NDUFS4: variants seen among roughly 807,000 people sequenced by gnomAD.
The protein encoded by NDUFS4 is NADH dehydrogenase [ubiquinone] iron-sulfur protein 4, mitochondrial.
In NDUFS4, 28 loss-of-function variants were observed where a neutral mutation model predicts 24.3. The observed-to-expected ratio is 1.15, with a 90% CI of 0.85 to 1.58. NDUFS4 has a LOEUF of 1.58. Among genes scored for constraint, NDUFS4 ranks in the 40% most tolerant of loss-of-function variants. The probability of loss-of-function intolerance (pLI) is 0.00; values close to 1 mark genes in which losing one functional copy is unlikely to be tolerated. For synonymous variants in NDUFS4, 93 were observed against 69.7 expected (o/e 1.34, Z -1.67); for missense variants, 223 against 207.9 (o/e 1.07, Z -0.45).
chr5:53,658,692 A>G, intron 4 of NDUFS4, 68 bp downstream of exon 4: 2 of 1,353,528 alleles, frequency 1.5e-6, no homozygotes, highest in Non-Finnish European at 2.1e-6. Flanking sequence ...ATTAAAACCA[A>G]TTAAGTATAC....
intron 1 of NDUFS4, among the ~76,000 whole-genome samples, chr5:53,570,041 G>A (rs1749159425): frequency 6.6e-6 from 1 of 152,094 alleles, no homozygotes; most frequent in Admixed American, 6.5e-5. Flanking sequence ...ACTTCTTAGA[G>A]TTTTAACACA....
rs189949427 is a variant in NDUFS4, at chr5:53,662,175, A to G, written c.424+3551A>G. 2.8e-3 allele frequency among the ~76,000 whole-genome samples: 432 copies of G among 152,328 alleles called. 4 individuals carry two copies. The highest frequency in any genetic ancestry group is 9.8e-3 in the African/African-American group (408 of 41,572). ...TATTATTTTGAGATAAGTCACATCAATACCTAATTTATTGAGAGTTTTTAG... is the reference window on the plus strand; with the variant it reads ...TATTATTTTGAGATAAGTCACATCAGTACCTAATTTATTGAGAGTTTTTAG... On this transcript the variant is annotated intron_variant, in intron 4 of 4. Coordinates refer to ENST00000296684, the MANE Select transcript of NDUFS4 (RefSeq NM_002495.4).
intron 1 of NDUFS4, among the ~76,000 whole-genome samples, chr5:53,587,646 G>A (rs1013018397): frequency 2.6e-5 from 4 of 151,272 alleles, no homozygotes; most frequent in Admixed American, 6.6e-5. Flanking sequence ...GTGCTATCAT[G>A]GCTCACTGCA....
At chr5:53,568,835 C>G (rs1212321713) in intron 1 of NDUFS4, among the ~76,000 whole-genome samples, 2 of 152,192 alleles carry the variant, frequency 1.3e-5, no homozygotes, top group Non-Finnish European at 1.5e-5. Context: ...GTTGAGAGAA[C>G]TGTCTCTGGG....
intron 4 of NDUFS4, among the ~76,000 whole-genome samples, chr5:53,682,470 T>TAACA (rs1432977846): frequency 3.3e-5 from 5 of 151,986 alleles, no homozygotes; most frequent in South Asian, 2.1e-4. Flanking sequence ...TGGTCAGGCC[T>TAACA]AACAATTTGC....
At position 53,679,522 on chromosome 5, in the gene NDUFS4, A is replaced by G. The variant is rs549662109; in HGVS notation, c.425-3596A>G. 2.6e-5 allele frequency among the ~76,000 whole-genome samples: 4 copies of G among 152,210 alleles called. No individual in the cohort carries two copies. The East Asian group carries it at 7.7e-4, about 29-fold the overall frequency. On this transcript the variant is annotated intron_variant, in intron 4 of 4. Coordinates refer to ENST00000296684, the MANE Select transcript of NDUFS4 (RefSeq NM_002495.4). ...CAAACCAGTTGTTCTTTTCTTTTAT[A>G]TGTATAAAACTTCATTCTTCTCACA... is the stretch of plus-strand genomic sequence containing the variant.
At chr5:53,674,754 G>C (rs1415760973) in intron 4 of NDUFS4, among the ~76,000 whole-genome samples, 1 of 151,904 alleles carries the variant, frequency 6.6e-6, no homozygotes. Flanking sequence ...GAATCAATTT[G>C]GTTAATTGTA....
intron 1 of NDUFS4, among the ~76,000 whole-genome samples, chr5:53,578,400 T>C (rs1749453805): frequency 6.6e-6 from 1 of 152,202 alleles, no homozygotes; most frequent in South Asian, 2.1e-4. Context: ...AAGACTACTT[T>C]CTAGAAATTT....
At chr5:53,584,500 C>T (rs1237925102) in intron 1 of NDUFS4, among the ~76,000 whole-genome samples, 2 of 150,856 alleles carry the variant, frequency 1.3e-5, no homozygotes, top group Non-Finnish European at 3.0e-5. Context: ...CCACCATGCC[C>T]GGCTAATTTT....
chr5:53,610,058 A>C (rs1260234217), intron 2 of NDUFS4, among the ~76,000 whole-genome samples: 3 of 152,188 alleles, frequency 2.0e-5, no homozygotes, highest in Non-Finnish European at 4.4e-5. Flanking sequence ...CTTTGCATTC[A>C]CAACTTGGCT....
chr5:53,611,254 A>G (rs1254201428), intron 2 of NDUFS4, among the ~76,000 whole-genome samples: 1 of 149,408 alleles, frequency 6.7e-6, no homozygotes, highest in Non-Finnish European at 1.5e-5. Context: ...CATGTATCTT[A>G]TCTTTTTTTT....
At chr5:53,586,917 G>A (rs1749776239) in intron 1 of NDUFS4, among the ~76,000 whole-genome samples, 2 of 151,662 alleles carry the variant, frequency 1.3e-5, no homozygotes, top group African/African-American at 4.9e-5. Flanking sequence ...TCCACTTCCC[G>A]GGTTCAAATG....
At chr5:53,666,284 C>G (rs185851947) in intron 4 of NDUFS4, among the ~76,000 whole-genome samples, 3 of 152,102 alleles carry the variant, frequency 2.0e-5, no homozygotes, top group African/African-American at 4.8e-5. Flanking sequence ...ATTTAAATCC[C>G]TGGTTAGTCT....
chr5:53,564,575 T>G (rs931835345), intron 1 of NDUFS4, among the ~76,000 whole-genome samples: 1 of 152,236 alleles, frequency 6.6e-6, no homozygotes, highest in African/African-American at 2.4e-5. Context: ...AGTCTCATTC[T>G]GTTGCTCAGG....
Position 53,661,795 on chromosome 5 carries a change from G to GGTGT in NDUFS4, c.424+3171_424+3172insGTGT, listed in dbSNP as rs1554060470. Among the ~76,000 whole-genome samples the GGTGT allele has an allele frequency of 2.4e-3, 358 of 151,450 alleles. 5 individuals carry two copies. The highest frequency in any genetic ancestry group is 8.1e-3 in the African/African-American group (333 of 41,358). ...TGAATGGGAGTTCACTCATGATTTG[G>GGTGT]CTGTCTGTTAGTGGTGTATAAGAAT... On this transcript the variant is annotated intron_variant, in intron 4 of 4. Coordinates refer to ENST00000296684, the MANE Select transcript of NDUFS4 (RefSeq NM_002495.4).
intron 1 of NDUFS4, among the ~76,000 whole-genome samples, chr5:53,582,080 G>C (rs1468092368): frequency 6.6e-6 from 1 of 151,880 alleles, no homozygotes; most frequent in East Asian, 1.9e-4. Flanking sequence ...GCGTGGTGTT[G>C]GGTGCCTGTA....
intron 4 of NDUFS4, among the ~76,000 whole-genome samples, chr5:53,665,659 G>A (rs1194180927): frequency 6.6e-6 from 1 of 152,240 alleles, no homozygotes; most frequent in Non-Finnish European, 1.5e-5. Flanking sequence ...TGTGCCGTTT[G>A]CTAAGACCGT....
intron 2 of NDUFS4, among the ~76,000 whole-genome samples, chr5:53,644,577 A>G (rs1309275925): frequency 6.6e-6 from 1 of 152,168 alleles, no homozygotes; most frequent in African/African-American, 2.4e-5. Flanking sequence ...GTCATTAAAT[A>G]TAATAATACT....
At chr5:53,662,094 T>G (rs1236277520) in intron 4 of NDUFS4, among the ~76,000 whole-genome samples, 1 of 152,242 alleles carries the variant, frequency 6.6e-6, no homozygotes, top group Non-Finnish European at 1.5e-5. Context: ...AGGGAATGTT[T>G]CCAGTTCTTG....
Sources: gnomAD v4.1 joint callset for allele counts (sites outside exome capture counted in the v4.1 genomes callset) on GRCh38, gnomAD v4.1.1 for gene constraint, MANE v1.5 for transcripts, NCBI Gene and HGNC (gene_info 2026-07-23, HGNC 2026-07-21) for gene names.